The following WTAP variants were observed in gnomAD, a reference collection of about 807,000 sequenced individuals.
The protein encoded by WTAP is WT1 associated protein, also known as pre-mRNA-splicing regulator WTAP.
Under a neutral mutation model 50.0 loss-of-function variants are expected in WTAP, and 8 were observed. That is an observed-to-expected ratio of 0.16 (90% CI 0.09 to 0.29). The LOEUF (loss-of-function observed/expected upper bound fraction) is 0.29. WTAP is among the 10% of genes least tolerant of loss of function. The pLI, the probability that WTAP is intolerant of heterozygous loss-of-function variation, is 1.00. For synonymous variants in WTAP, 194 were observed against 169.0 expected (o/e 1.15, Z -1.15); for missense variants, 295 against 470.7 (o/e 0.63, Z 3.45).
At chr6:159,730,152 T>C (rs1778479519) in intron 1 of WTAP, among the ~76,000 whole-genome samples, 1 of 152,216 alleles carries the variant, frequency 6.6e-6, no homozygotes, top group Non-Finnish European at 1.5e-5. Flanking sequence ...AATAGCTGTT[T>C]TAATCACCTA....
rs1461764977 is a variant in WTAP, at chr6:159,755,219, A to G, written c.799A>G (p.Ser267Gly). The change falls in exon 8 of 8, where the codon AGT becomes GGT. Residue 267 changes from serine (S) to glycine (G), a missense_variant. By Grantham distance (56) the Ser-to-Gly change is moderately conservative. Around this residue, in one of 2 missense-constraint regions of WTAP, gnomAD observed 175 missense variants for 183.1 expected, o/e 0.96. Coordinates refer to ENST00000621533, the MANE Select transcript of WTAP (RefSeq NM_001270531.2). ...SEPVEQSEAT[S>G]KDCSRLTNGP... ...ACCTGTAGAACAGTCAGAGGCCACA[A>G]GTAAAGACTGCAGTCGTCTGACAAA... is the stretch of plus-strand genomic sequence containing the variant. 1 of 1,614,230 alleles carries G rather than the reference A, an allele frequency of 6.2e-7. No individual in the cohort carries two copies. Among genetic ancestry groups the G allele is most frequent in the Non-Finnish European group, 8.5e-7 (1 of 1,180,028 alleles).
intron 5 of WTAP, among the ~76,000 whole-genome samples, chr6:159,746,559 T>C (rs1779588374): frequency 6.6e-6 from 1 of 152,232 alleles, no homozygotes; most frequent in Non-Finnish European, 1.5e-5. Flanking sequence ...TTTGTCTACA[T>C]GCAGTCTTTG....
At chr6:159,734,939 G>C (rs1562454026) in intron 1 of WTAP, among the ~76,000 whole-genome samples, 1 of 151,880 alleles carries the variant, frequency 6.6e-6, no homozygotes, top group Non-Finnish European at 1.5e-5. Flanking sequence ...GTAGTTTAAT[G>C]AATAATACCT....
intron 2 of WTAP, among the ~76,000 whole-genome samples, chr6:159,738,723 A>G (rs1310541822): frequency 6.6e-6 from 1 of 152,162 alleles, no homozygotes; most frequent in Non-Finnish European, 1.5e-5. Flanking sequence ...TGGTGTTGCC[A>G]CTAATTTTTA....
intron 6 of WTAP, among the ~76,000 whole-genome samples, chr6:159,752,920 A>G (rs576093243): frequency 6.6e-6 from 1 of 152,320 alleles, no homozygotes; most frequent in South Asian, 2.1e-4. Context: ...AATTTTTTGT[A>G]GAGTTGGAGT....
At chr6:159,747,154 C>CCTA (rs1779623586) in intron 5 of WTAP, among the ~76,000 whole-genome samples, 1 of 152,144 alleles carries the variant, frequency 6.6e-6, no homozygotes, top group Admixed American at 6.5e-5. Flanking sequence ...GGAGTTAGAT[C>CCTA]TTGGGCCAGA....
intron 3 of WTAP, 47 bp downstream of exon 3, chr6:159,739,092 T>C (rs1465159200): frequency 3.5e-6 from 5 of 1,427,478 alleles, no homozygotes; most frequent in South Asian, 1.2e-5. Flanking sequence ...TAGAACATTA[T>C]ATTGTGACTC....
At position 159,755,625 on chromosome 6, in the gene WTAP, A is replaced by G. The variant is rs769481216; in HGVS notation, c.*14A>G. The G allele has an allele frequency of 1.7e-5, 26 of 1,574,218 alleles. No homozygotes were observed. Among genetic ancestry groups the G allele is most frequent in the East Asian group, 2.2e-5 (1 of 44,532 alleles). ...TCAGTTTTGTAATATTTTTTCAGCA[A>G]ATTTTTATACAGTGTCATTTAATTT... On this transcript the variant is annotated 3_prime_UTR_variant, in exon 8 of 8. Coordinates refer to ENST00000621533, the MANE Select transcript of WTAP (RefSeq NM_001270531.2).
intron 2 of WTAP, among the ~76,000 whole-genome samples, chr6:159,738,077 T>C (rs1016013249): frequency 6.6e-6 from 1 of 152,236 alleles, no homozygotes; most frequent in Non-Finnish European, 1.5e-5. Flanking sequence ...ACAGAGCTTA[T>C]TCACATTTCA....
intron 6 of WTAP, among the ~76,000 whole-genome samples, chr6:159,752,061 T>C (rs796809565): frequency 1.6e-4 from 21 of 128,434 alleles, no homozygotes; most frequent in African/African-American, 6.2e-4. Flanking sequence ...GACCCCCATC[T>C]CAAAAAAAAA....
intron 1 of WTAP, among the ~76,000 whole-genome samples, chr6:159,731,561 A>C (rs1778570822): frequency 6.6e-6 from 1 of 152,246 alleles, no homozygotes; most frequent in South Asian, 2.1e-4. Flanking sequence ...AGTGTTAGAA[A>C]CAGTCGGGAG....
intron 3 of WTAP, among the ~76,000 whole-genome samples, chr6:159,739,524 T>C (rs1353593417): frequency 2.0e-5 from 3 of 152,240 alleles, no homozygotes; most frequent in Non-Finnish European, 4.4e-5. Flanking sequence ...CTTGTAAATG[T>C]CTTACAAAAG....
intron 1 of WTAP, among the ~76,000 whole-genome samples, chr6:159,731,391 C>A (rs1000024361): frequency 3.3e-5 from 5 of 151,984 alleles, no homozygotes; most frequent in African/African-American, 1.2e-4. Flanking sequence ...TCAGTTGAGC[C>A]CAAGAGATGG....
At chr6:159,742,515 A>G (rs1779319511) in intron 4 of WTAP, among the ~76,000 whole-genome samples, 1 of 152,198 alleles carries the variant, frequency 6.6e-6, no homozygotes, top group Non-Finnish European at 1.5e-5. Context: ...AACAGAAGCA[A>G]CCAGTAACAG....
rs756602073 is a variant in WTAP at position 159,755,565 on chromosome 6, A to C, written c.1145A>C (p.Gln382Pro). The part of the protein sequence containing the change: ...GNRTVGSRHV[Q>P]NGLDSSVNVQ... ...CGAACTGTGGGTTCCCGCCACGTTC[A>C]GAATGGCTTGGACTCAAGTGTAAAT... Residue 382 changes from glutamine to proline, a missense_variant, in exon 8 of 8, where the codon CAG becomes CCG. Transcript: ENST00000621533. 1.2e-6 allele frequency: 2 copies of C among 1,614,118 alleles called. No individual in the cohort carries two copies. Among genetic ancestry groups the C allele is most frequent in the Non-Finnish European group, 1.7e-6 (2 of 1,180,006 alleles).
At chr6:159,739,359 A>G (rs1346595387) in intron 3 of WTAP, among the ~76,000 whole-genome samples, 1 of 152,250 alleles carries the variant, frequency 6.6e-6, no homozygotes, top group Non-Finnish European at 1.5e-5. Flanking sequence ...GAAGAAATAC[A>G]TAATTTACTA....
At chr6:159,727,820 T>A (rs1166321946) in intron 1 of WTAP, 117 bp downstream of exon 1, 30 of 726,964 alleles carry the variant, frequency 4.1e-5, no homozygotes, top group Non-Finnish European at 5.1e-5. Flanking sequence ...CACACGGGCC[T>A]GGTGCGGCAC....
intron 2 of WTAP, among the ~76,000 whole-genome samples, chr6:159,737,136 C>T (rs1282697639): frequency 6.6e-6 from 1 of 152,180 alleles, no homozygotes; most frequent in Non-Finnish European, 1.5e-5. Flanking sequence ...CAGTCTCCGC[C>T]TCCTGGGCTC....
Position 159,753,450 on chromosome 6 carries a change from TC to T in WTAP, c.453-8del. The T allele has an allele frequency of 6.2e-7, 1 of 1,614,200 alleles. No homozygotes were observed. The highest frequency in any genetic ancestry group is 8.5e-7 in the Non-Finnish European group (1 of 1,180,030). On this transcript the variant is annotated splice_polypyrimidine_tract_variant and intron_variant, in intron 6 of 7. Coordinates refer to ENST00000621533, the MANE Select transcript of WTAP (RefSeq NM_001270531.2). ...CTTCATTTTGTGATGGATGGCTCTT[TC>T]CTTTGCAGCCAAACAGGGAAAAAGT...
Sources: gnomAD v4.1 joint callset for allele counts (sites outside exome capture counted in the v4.1 genomes callset) on GRCh38, gnomAD v4.1.1 for gene constraint, gnomAD v4.1.1 regional missense constraint, MANE v1.5 for transcripts, NCBI Gene and HGNC (gene_info 2026-07-23, HGNC 2026-07-21) for gene names.